CRISPLD2: variants seen among roughly 807,000 people sequenced by gnomAD.
The protein encoded by CRISPLD2 is cysteine-rich secretory protein LCCL domain-containing 2.
Under a neutral mutation model 71.1 loss-of-function variants are expected in CRISPLD2, and 47 were observed. The observed-to-expected ratio is 0.66, with a 90% CI of 0.52 to 0.84. CRISPLD2 has a LOEUF of 0.84. Ranked by LOEUF, CRISPLD2 falls within the 40% of genes least tolerant of loss-of-function variation. The probability of loss-of-function intolerance (pLI) is 0.00; values close to 1 mark genes in which losing one functional copy is unlikely to be tolerated. For missense variants in CRISPLD2, 830 were observed against 651.1 expected, an observed-to-expected ratio of 1.27 and a Z score of -2.99; for synonymous variants, 317 against 250.1, an observed-to-expected ratio of 1.27 and a Z score of -2.52.
intron 6 of CRISPLD2, among the ~76,000 whole-genome samples, chr16:84,865,904 T>A (rs948390621): frequency 3.9e-5 from 6 of 152,150 alleles, no homozygotes; most frequent in African/African-American, 1.4e-4. Context: ...GTTGGAGAAA[T>A]AATAATATAC....
chr16:84,828,394 G>A (rs901327403), intron 1 of CRISPLD2: 4 of 152,214 alleles, frequency 2.6e-5, no homozygotes, highest in Non-Finnish European at 2.9e-5. Context: ...TCATGCATGA[G>A]TGAGGAATTA....
At chr16:84,859,365 C>G (rs1004384193) in intron 6 of CRISPLD2, among the ~76,000 whole-genome samples, 1 of 152,208 alleles carries the variant, frequency 6.6e-6, no homozygotes, top group Non-Finnish European at 1.5e-5. Flanking sequence ...GGAGTCAACA[C>G]CTGCTCAGAG....
intron 6 of CRISPLD2, among the ~76,000 whole-genome samples, chr16:84,855,521 A>G (rs1917213419): frequency 6.6e-6 from 1 of 151,374 alleles, no homozygotes; most frequent in Admixed American, 6.6e-5. Flanking sequence ...TTTATATCCT[A>G]GCTGCACTGG....
At chr16:84,885,016 G>A (rs1232479540) in intron 13 of CRISPLD2, among the ~76,000 whole-genome samples, 1 of 152,244 alleles carries the variant, frequency 6.6e-6, no homozygotes, top group East Asian at 1.9e-4. Context: ...GCAATGCTGA[G>A]AGAGACAGAA....
At chr16:84,892,493 G>A (rs1190346681) in intron 14 of CRISPLD2, among the ~76,000 whole-genome samples, 1 of 152,098 alleles carries the variant, frequency 6.6e-6, no homozygotes, top group Non-Finnish European at 1.5e-5. Context: ...GACACATAGA[G>A]GGATTTTCAG....
chr16:84,831,602 C>T (rs764151324), intron 1 of CRISPLD2, among the ~76,000 whole-genome samples: 7 of 151,600 alleles, frequency 4.6e-5, no homozygotes, highest in Non-Finnish European at 8.8e-5. Flanking sequence ...GACAGGAGCT[C>T]ACCATGTTTC....
intron 3 of CRISPLD2, 26 bp from the exon 4 acceptor site, chr16:84,849,359 C>A: frequency 1.2e-6 from 2 of 1,604,092 alleles, no homozygotes; most frequent in Non-Finnish European, 1.7e-6. Flanking sequence ...GGGGCTGGGA[C>A]TGAGTGAGCG....
intron 6 of CRISPLD2, among the ~76,000 whole-genome samples, chr16:84,856,197 G>C (rs917102664): frequency 6.6e-6 from 1 of 152,192 alleles, no homozygotes; most frequent in African/African-American, 2.4e-5. Context: ...GCCTGGATTA[G>C]GCTGTTGTAG....
intron 11 of CRISPLD2, among the ~76,000 whole-genome samples, chr16:84,875,414 C>CTGTTATTTTTTTTTT (rs2071509360): frequency 1.1e-5 from 1 of 87,772 alleles, no homozygotes; most frequent in African/African-American, 5.6e-5. Flanking sequence ...TATGCATGGA[C>CTGTTATTTTTTTTTT]TTTTTTTTTT....
chr16:84,855,536 T>G (rs1047210550), intron 6 of CRISPLD2, among the ~76,000 whole-genome samples: 21 of 145,390 alleles, frequency 1.4e-4, no homozygotes, highest in Non-Finnish European at 1.7e-4. Context: ...CACTGGCAGC[T>G]GATTAGTTGG....
At chr16:84,898,312 A>G (rs2143376425) in intron 14 of CRISPLD2, among the ~76,000 whole-genome samples, 1 of 152,222 alleles carries the variant, frequency 6.6e-6, no homozygotes, top group Middle Eastern at 3.4e-3. Context: ...CATTGTACTA[A>G]GAATCAAATC....
intron 14 of CRISPLD2, among the ~76,000 whole-genome samples, chr16:84,895,636 G>T (rs1424349467): frequency 1.3e-5 from 2 of 152,172 alleles, no homozygotes; most frequent in Non-Finnish European, 2.9e-5. Flanking sequence ...CAAATGAGAT[G>T]AAGAGGTTTG....
intron 6 of CRISPLD2, among the ~76,000 whole-genome samples, chr16:84,859,452 G>A (rs1039264836): frequency 6.6e-6 from 1 of 152,284 alleles, no homozygotes; most frequent in Non-Finnish European, 1.5e-5. Context: ...CAAGGCCAGA[G>A]GTCTCCCCGG....
intron 10 of CRISPLD2, 64 bp downstream of exon 10, chr16:84,873,186 T>G: frequency 6.4e-7 from 1 of 1,561,238 alleles, no homozygotes; most frequent in Non-Finnish European, 8.7e-7. Context: ...GTTGTTGAAA[T>G]TTTGAAAAAT....
chr16:84,905,100 G>A (rs1226425885), intron 14 of CRISPLD2, among the ~76,000 whole-genome samples: 1 of 152,092 alleles, frequency 6.6e-6, no homozygotes, highest in Non-Finnish European at 1.5e-5. Context: ...GGGCAACATA[G>A]TGAGACTCCA....
intron 13 of CRISPLD2, among the ~76,000 whole-genome samples, chr16:84,886,158 G>C (rs958702450): frequency 2.6e-5 from 4 of 152,048 alleles, no homozygotes; most frequent in African/African-American, 9.7e-5. Context: ...CCAAAGTCCT[G>C]GGATTACAGG....
chr16:84,886,032 G>T (rs768897294), intron 13 of CRISPLD2, among the ~76,000 whole-genome samples: 1 of 151,916 alleles, frequency 6.6e-6, no homozygotes, highest in Non-Finnish European at 1.5e-5. Context: ...TGTTGCCCAG[G>T]CTCATCTTGA....
chr16:84,831,016 A>C (rs1916474922), intron 1 of CRISPLD2, among the ~76,000 whole-genome samples: 1 of 152,120 alleles, frequency 6.6e-6, no homozygotes, highest in Non-Finnish European at 1.5e-5. Context: ...CTGGTGGTGA[A>C]CGATTTACCA....
At chr16:84,876,480 C>T (rs893456097) in intron 11 of CRISPLD2, among the ~76,000 whole-genome samples, 5 of 151,010 alleles carry the variant, frequency 3.3e-5, no homozygotes, top group African/African-American at 7.3e-5. Context: ...CCAGCCTGGG[C>T]GACAGAGTGA....
Sources: allele counts gnomAD v4.1 joint callset (sites outside exome capture counted in the v4.1 genomes callset), GRCh38; gene constraint gnomAD v4.1.1; transcripts MANE v1.5; gene names NCBI Gene and HGNC (gene_info 2026-07-23, HGNC 2026-07-21).